CCDC6: variants seen among roughly 807,000 people sequenced by gnomAD.
CCDC6 encodes the protein coiled-coil domain containing 6.
Under a neutral mutation model 56.6 loss-of-function variants are expected in CCDC6, and 20 were observed. That is an observed-to-expected ratio of 0.35 (90% CI 0.25 to 0.51). The LOEUF (loss-of-function observed/expected upper bound fraction) is 0.51, where lower values mean the gene tolerates loss of function less well. Among genes scored for constraint, CCDC6 ranks in the 20% least tolerant of loss-of-function variants. The pLI is 0.95. For synonymous variants in CCDC6, 241 were observed against 234.4 expected (o/e 1.03, Z -0.26); for missense variants, 367 against 601.1 (o/e 0.61, Z 4.07).
At chr10:59,859,230 G>GTGTA (rs1485457233) in intron 1 of CCDC6, among the ~76,000 whole-genome samples, 11 of 148,106 alleles carry the variant, frequency 7.4e-5, no homozygotes, top group African/African-American at 2.2e-4. Flanking sequence ...GTGTGTGTGT[G>GTGTA]TGTGTGTATG....
intron 1 of CCDC6, among the ~76,000 whole-genome samples, chr10:59,899,724 A>G (rs926847981): frequency 5.3e-5 from 8 of 152,208 alleles, no homozygotes; most frequent in Non-Finnish European, 1.2e-4. Flanking sequence ...AACACTTCCA[A>G]TGGGGCTACT....
At chr10:59,807,798 T>C (rs927117113) in intron 5 of CCDC6, among the ~76,000 whole-genome samples, 2 of 152,110 alleles carry the variant, frequency 1.3e-5, no homozygotes, top group Non-Finnish European at 2.9e-5. Context: ...AGACACCAGT[T>C]TGGCTGCCTC....
At chr10:59,824,741 A>G (rs1193183676) in intron 3 of CCDC6, among the ~76,000 whole-genome samples, 1 of 152,214 alleles carries the variant, frequency 6.6e-6, no homozygotes, top group Non-Finnish European at 1.5e-5. Flanking sequence ...GGGGAACGGC[A>G]ATCTAGGTCA....
chr10:59,855,608 C>T (rs1020636616), intron 1 of CCDC6, among the ~76,000 whole-genome samples: 3 of 151,930 alleles, frequency 2.0e-5, no homozygotes, highest in African/African-American at 7.3e-5. Flanking sequence ...GTTGCTGAAG[C>T]GGAGGGGATG....
chr10:59,849,637 AT>A (rs1340021317), intron 2 of CCDC6, among the ~76,000 whole-genome samples: 1 of 152,210 alleles, frequency 6.6e-6, no homozygotes, highest in Non-Finnish European at 1.5e-5. Flanking sequence ...TGATCTGTAT[AT>A]AGCCTCTCAG....
chr10:59,845,114 A>G (rs1407431970), intron 2 of CCDC6, among the ~76,000 whole-genome samples: 1 of 152,220 alleles, frequency 6.6e-6, no homozygotes, highest in Non-Finnish European at 1.5e-5. Flanking sequence ...GGGTCCATCG[A>G]TAGTGGGGCC....
intron 1 of CCDC6, among the ~76,000 whole-genome samples, chr10:59,887,772 T>C (rs903965632): frequency 2.0e-5 from 3 of 152,190 alleles, no homozygotes; most frequent in Non-Finnish European, 4.4e-5. Context: ...AATTTTGGAA[T>C]TGAATGCCCT....
At chr10:59,876,815 T>A (rs868217861) in intron 1 of CCDC6, among the ~76,000 whole-genome samples, 1 of 152,188 alleles carries the variant, frequency 6.6e-6, no homozygotes, top group Non-Finnish European at 1.5e-5. Context: ...TTTCATTACA[T>A]TGAGATTTTT....
At chr10:59,825,851 A>G (rs2070783822) in intron 3 of CCDC6, among the ~76,000 whole-genome samples, 1 of 152,222 alleles carries the variant, frequency 6.6e-6, no homozygotes, top group South Asian at 2.1e-4. Context: ...TCCTGATAAG[A>G]CTTTAAAATA....
chr10:59,902,430 G>A (rs573964258), intron 1 of CCDC6, among the ~76,000 whole-genome samples: 118 of 120,086 alleles, frequency 9.8e-4, no homozygotes, highest in African/African-American at 3.8e-3. Context: ...GTCTGGCTCT[G>A]TCACCCAGAC....
intron 2 of CCDC6, among the ~76,000 whole-genome samples, chr10:59,838,093 T>C (rs2070900779): frequency 6.6e-6 from 1 of 152,130 alleles, no homozygotes; most frequent in African/African-American, 2.4e-5. Flanking sequence ...AACTCAGTAC[T>C]TCATCACTAA....
At chr10:59,891,784 C>T (rs2071424094) in intron 1 of CCDC6, among the ~76,000 whole-genome samples, 2 of 152,134 alleles carry the variant, frequency 1.3e-5, no homozygotes, top group Admixed American at 6.5e-5. Flanking sequence ...TGTTTATTTA[C>T]AATGCAAGCA....
At chr10:59,850,314 C>T (rs565741210) in intron 2 of CCDC6, among the ~76,000 whole-genome samples, 2 of 152,080 alleles carry the variant, frequency 1.3e-5, no homozygotes, top group South Asian at 4.2e-4. Context: ...AAATTGTACA[C>T]TCAAAAATGG....
intron 3 of CCDC6, among the ~76,000 whole-genome samples, chr10:59,824,965 G>A (rs1019576431): frequency 1.3e-5 from 2 of 152,174 alleles, no homozygotes; most frequent in Non-Finnish European, 2.9e-5. Context: ...GAACATGGTT[G>A]TTCTTTGTGT....
intron 7 of CCDC6, among the ~76,000 whole-genome samples, chr10:59,794,858 G>T (rs528500989): frequency 6.6e-6 from 1 of 152,146 alleles, no homozygotes; most frequent in Non-Finnish European, 1.5e-5. Flanking sequence ...ACACAACGGG[G>T]AAAGAGAACA....
In CCDC6 at chr10:59,792,499, G is replaced by A. The variant is rs1063828; in HGVS notation, c.*418C>T. On this transcript the variant is annotated 3_prime_UTR_variant, in exon 9 of 9. Transcript: ENST00000263102. ...TATGTTTGGTAAACACTATTATAAT[G>A]AGAGGAGGGTAACAACAGCTCAGTA... 2.1e-6 allele frequency: 1 copy of A among 467,530 alleles called. No homozygotes were observed. The highest frequency in any genetic ancestry group is 4.0e-6 in the Non-Finnish European group (1 of 249,254). 29.0% of individuals were successfully genotyped at this position (467,530 alleles called of 1,614,324 possible). A position where few individuals can be genotyped will look rare whatever the true frequency, so the allele number is the denominator to read the frequency against.
At chr10:59,834,080 C>T (rs2070858744) in intron 2 of CCDC6, among the ~76,000 whole-genome samples, 1 of 152,126 alleles carries the variant, frequency 6.6e-6, no homozygotes, top group Non-Finnish European at 1.5e-5. Flanking sequence ...CGTATGCTTG[C>T]CCAGGGGATG....
At chr10:59,819,887 C>T (rs866838391) in intron 3 of CCDC6, among the ~76,000 whole-genome samples, 1 of 152,092 alleles carries the variant, frequency 6.6e-6, no homozygotes, top group African/African-American at 2.4e-5. Flanking sequence ...TTCATTGGAG[C>T]TGAATATTCA....
At chr10:59,869,678 C>G (rs1275554153) in intron 1 of CCDC6, among the ~76,000 whole-genome samples, 3 of 152,104 alleles carry the variant, frequency 2.0e-5, no homozygotes, top group African/African-American at 4.8e-5. Context: ...CTCATACAAC[C>G]CGTGCTCATT....
Sources: gnomAD v4.1 joint callset for allele counts (sites outside exome capture counted in the v4.1 genomes callset) on GRCh38, gnomAD v4.1.1 for gene constraint, MANE v1.5 for transcripts, NCBI Gene and HGNC (gene_info 2026-07-23, HGNC 2026-07-21) for gene names.